The following KIF20A variants were observed in gnomAD, a reference collection of about 807,000 sequenced individuals.
The protein encoded by KIF20A is kinesin family member 20A.
Under a neutral mutation model 113.0 loss-of-function variants are expected in KIF20A, and 66 were observed. The ratio of observed to expected loss-of-function variants is 0.58; its 90% CI spans 0.48 to 0.72. The LOEUF (loss-of-function observed/expected upper bound fraction) is 0.72, where lower values mean the gene tolerates loss of function less well. KIF20A is among the 30% of genes least tolerant of loss of function. The probability of loss-of-function intolerance (pLI) is 0.00; values close to 1 mark genes in which losing one functional copy is unlikely to be tolerated. For synonymous variants in KIF20A, 376 were observed against 402.3 expected (o/e 0.93, Z 0.78); for missense variants, 927 against 1,077.6 (o/e 0.86, Z 1.96).
Position 138,182,319 on chromosome 5 carries a change from C to T in KIF20A, c.376-4C>T. 1 of 1,612,784 alleles carries T rather than the reference C, an allele frequency of 6.2e-7. No individual in the cohort carries two copies. The highest frequency in any genetic ancestry group is 1.1e-5 in the South Asian group (1 of 90,884). ...GGCCTCTAAAAAACTGGGTCTCTCTCTAGATCTTTGGGCCAGAAGTGGGAC... is the reference window on the plus strand; with the variant it reads ...GGCCTCTAAAAAACTGGGTCTCTCTTTAGATCTTTGGGCCAGAAGTGGGAC... On this transcript the variant is annotated splice_region_variant and splice_polypyrimidine_tract_variant and intron_variant, in intron 4 of 18. Coordinates refer to ENST00000394894, the MANE Select transcript of KIF20A (RefSeq NM_005733.3).
chr5:138,183,766 T>A lies in KIF20A; in HGVS notation c.1208+10T>A. 1.2e-6 allele frequency: 2 copies of A among 1,612,082 alleles called. No homozygotes were observed. The highest frequency in any genetic ancestry group is 1.7e-6 in the Non-Finnish European group (2 of 1,178,322). On this transcript the variant is annotated intron_variant, in intron 10 of 18. Coordinates refer to ENST00000394894, the MANE Select transcript of KIF20A (RefSeq NM_005733.3). This position sits in a 1 kb window ranked among gnomAD's most constrained non-coding sequence, Gnocchi z 5.2. Reference sequence around the variant, plus strand: ...TCCCCAAGATCAGCGAGTAAGTTTATCCATTTAGAAATTTGGGCTTCTTGG... The same window carrying A: ...TCCCCAAGATCAGCGAGTAAGTTTAACCATTTAGAAATTTGGGCTTCTTGG...
At chr5:138,179,965 T>A in intron 2 of KIF20A, 120 bp downstream of exon 2, 1 of 1,031,822 alleles carries the variant, frequency 9.7e-7, no homozygotes, top group Non-Finnish European at 1.3e-6. Flanking sequence ...AATTCAAAAT[T>A]AAGGGCATTT....
rs1199186119 is a variant in KIF20A at position 138,187,090 on chromosome 5, C to T, written c.2356-6C>T. The T allele has an allele frequency of 1.2e-6, 2 of 1,603,560 alleles. No homozygotes were observed. Among genetic ancestry groups the T allele is most frequent in the African/African-American group, 1.3e-5 (1 of 74,482 alleles). On this transcript the variant is annotated splice_polypyrimidine_tract_variant and splice_region_variant and intron_variant, in intron 18 of 18. Transcript: ENST00000394894. Reference sequence around the variant, plus strand: ...TGTTTTCTATAACTTTATTGATCTTCCTTAGGACCAGACTCTGGCTGAACT... The same window carrying T: ...TGTTTTCTATAACTTTATTGATCTTTCTTAGGACCAGACTCTGGCTGAACT...
chr5:138,181,727 A>T lies in KIF20A; in HGVS notation c.374A>T (p.Gln125Leu), dbSNP rs760154841. 6.2e-7 allele frequency: 1 copy of T among 1,613,630 alleles called. No individual in the cohort carries two copies. Among genetic ancestry groups the T allele is most frequent in the Non-Finnish European group, 8.5e-7 (1 of 1,180,022 alleles). Residue 125 changes from glutamine (Q) to leucine (L), a missense_variant and splice_region_variant, in exon 4 of 19, where the codon CAG becomes CTG. By Grantham distance (113) the Gln-to-Leu change is moderately radical (BLOSUM62 -2). Coordinates refer to ENST00000394894, the MANE Select transcript of KIF20A (RefSeq NM_005733.3). ...GCCACACACAGGTTCACCTTTTCCC[A>T]GGTATGGAGGGTACTGGTTTGTGAA... ...GQATHRFTFS[Q>L]IFGPEVGQAS...
At position 138,184,944 on chromosome 5, in the gene KIF20A, C is replaced by G. The variant is rs768886658; in HGVS notation, c.1821C>G (p.Cys607Trp). The change falls in exon 14 of 19, where the codon TGC (cysteine) becomes TGG (tryptophan). Residue 607 changes from cysteine to tryptophan, a missense_variant and splice_region_variant. Cys to Trp is a radical substitution (Grantham distance 215). Coordinates refer to ENST00000394894, the MANE Select transcript of KIF20A (RefSeq NM_005733.3). Reference sequence around the variant, plus strand: ...AGATGCAACAGCGGGAACAGTGGTGCAGGTACTAGCTGAGTGACCCCTCTT... The same window carrying G: ...AGATGCAACAGCGGGAACAGTGGTGGAGGTACTAGCTGAGTGACCCCTCTT... ...VEQMQQREQW[C>W]SEHLDTQKEL... 5 of 1,613,786 alleles carry G rather than the reference C, an allele frequency of 3.1e-6. No homozygotes were observed. The African/African-American group carries it at 6.7e-5, about 22-fold the overall frequency.
intron 13 of KIF20A, 31 bp from the exon 14 acceptor site, chr5:138,184,776 T>C (rs749040993): frequency 1.1e-5 from 17 of 1,613,034 alleles, no homozygotes; most frequent in African/African-American, 4.0e-5. Flanking sequence ...CATGAGCATC[T>C]GATGACCTCT....
At position 138,183,592 on chromosome 5, in the gene KIF20A, T is replaced by A; in HGVS notation, c.1139+11T>A. Reference sequence around the variant, plus strand: ...GAACTCCAGCCGCAGGTGAGTAGATTGTAAGAATAAACTCTTCACTGTGTT... The same window carrying A: ...GAACTCCAGCCGCAGGTGAGTAGATAGTAAGAATAAACTCTTCACTGTGTT... On this transcript the variant is annotated intron_variant, in intron 9 of 18. Coordinates refer to ENST00000394894, the MANE Select transcript of KIF20A (RefSeq NM_005733.3). The surrounding 1 kb of genome is among the most constrained non-coding windows in gnomAD (Gnocchi z 5.2). The A allele has an allele frequency of 6.2e-7, 1 of 1,612,998 alleles. No individual in the cohort carries two copies. Among genetic ancestry groups the A allele is most frequent in the Non-Finnish European group, 8.5e-7 (1 of 1,179,078 alleles).
rs1183587660 is a variant in KIF20A, at chr5:138,183,276, T to C, written c.940T>C (p.Tyr314His). ...SFFEIYNELL[Y>H]DLLEPPSQQR... ...CTTTGAGATCTACAACGAACTGCTT[T>C]ATGACCTATTAGAACCGCCTAGCCA... Residue 314 changes from tyrosine (Y) to histidine (H), a missense_variant, in exon 8 of 19, where the codon TAT becomes CAT. Transcript: ENST00000394894. This position sits in a 1 kb window ranked among gnomAD's most constrained non-coding sequence, Gnocchi z 5.2. The C allele has an allele frequency of 1.9e-6, 3 of 1,614,112 alleles. No individual in the cohort carries two copies. In the South Asian group the frequency reaches 3.3e-5, roughly 18 times the overall value.
chr5:138,184,592 C>T lies in KIF20A; in HGVS notation c.1599C>T (p.Pro533=), dbSNP rs749510862. 1 of 1,614,184 alleles carries T rather than the reference C, an allele frequency of 6.2e-7. No individual in the cohort carries two copies. Among genetic ancestry groups the T allele is most frequent in the Non-Finnish European group, 8.5e-7 (1 of 1,180,010 alleles). Residue 533 remains proline (P), a synonymous_variant, in exon 13 of 19, where the codon CCC becomes CCT. Coordinates refer to ENST00000394894, the MANE Select transcript of KIF20A (RefSeq NM_005733.3). ...FIKEHSLQVS[P]SLEKGAKADT... ...AGGAACATAGTCTTCAGGTATCCCC[C>T]AGCTTAGAGAAAGGGGCTAAGGCAG...
Position 138,181,638 on chromosome 5 carries a change from C to G in KIF20A, c.285C>G (p.Thr95=), listed in dbSNP as rs914631296. ...QGCVRIENVE[T]LVLQAPKDSF... is the part of the protein sequence containing the mutation. ...GTGTCCGTATTGAGAATGTGGAGAC[C>G]CTTGTTCTACAAGCACCCAAGGACT... The change falls in exon 4 of 19, where the codon ACC becomes ACG. Residue 95 remains threonine, a synonymous_variant. Transcript: ENST00000394894. The G allele has an allele frequency of 6.2e-7, 1 of 1,614,010 alleles. No individual in the cohort carries two copies. The highest frequency in any genetic ancestry group is 2.2e-5 in the East Asian group (1 of 44,888).
rs779810862 is a variant in KIF20A at position 138,186,398 on chromosome 5, C to T, written c.2322C>T (p.Ala774=). ...CTGGGGCAGGAAAACTTCGTCAAGCCTTGACCACTTGTGATGACATCTTAA... is the reference window on the plus strand; with the variant it reads ...CTGGGGCAGGAAAACTTCGTCAAGCTTTGACCACTTGTGATGACATCTTAA... The part of the protein sequence containing the change: ...HSTGAGKLRQ[A]LTTCDDILIK... The change falls in exon 18 of 19, where the codon GCC becomes GCT. Residue 774 remains alanine (A), a synonymous_variant. Coordinates refer to ENST00000394894, the MANE Select transcript of KIF20A (RefSeq NM_005733.3). The T allele has an allele frequency of 6.2e-6, 10 of 1,611,974 alleles. No homozygotes were observed. The South Asian group carries it at 1.1e-4, about 18-fold the overall frequency.
Position 138,183,725 on chromosome 5 carries a change from G to C in KIF20A, c.1177G>C (p.Gly393Arg). ...IFSIRILHLQ[G>R]EGDIVPKISE... is the part of the protein sequence containing the mutation. ...CTCAATCAGGATCCTACACCTTCAGGGGGAAGGAGATATAGTCCCCAAGAT... is the reference window on the plus strand; with the variant it reads ...CTCAATCAGGATCCTACACCTTCAGCGGGAAGGAGATATAGTCCCCAAGAT... Residue 393 changes from glycine to arginine, a missense_variant, in exon 10 of 19, where the codon GGG (glycine) becomes CGG (arginine). Coordinates refer to ENST00000394894, the MANE Select transcript of KIF20A (RefSeq NM_005733.3). This position sits in a 1 kb window ranked among gnomAD's most constrained non-coding sequence, Gnocchi z 5.2. The C allele has an allele frequency of 6.2e-7, 1 of 1,613,824 alleles. No homozygotes were observed. The highest frequency in any genetic ancestry group is 1.1e-5 in the South Asian group (1 of 91,056).
rs1754688501 is a variant in KIF20A at position 138,183,188 on chromosome 5, A to G, written c.852A>G (p.Ala284=). The change falls in exon 8 of 19, where the codon GCA becomes GCG. Residue 284 remains alanine, a synonymous_variant. Transcript: ENST00000394894. The surrounding 1 kb of genome is among the most constrained non-coding windows in gnomAD (Gnocchi z 5.2). ...SQLDETSHRW[A]QPDTAPLPVP... ...CTCCAGAAACAAGTCATCGATGGGC[A>G]CAGCCAGACACTGCCCCACTACCTG... The G allele has an allele frequency of 1.2e-6, 2 of 1,614,140 alleles. No individual in the cohort carries two copies. Among genetic ancestry groups the G allele is most frequent in the Non-Finnish European group, 1.7e-6 (2 of 1,179,984 alleles).
intron 4 of KIF20A, 118 bp downstream of exon 4, chr5:138,181,846 T>C (rs1754667223): frequency 1.7e-6 from 2 of 1,159,000 alleles, no homozygotes; most frequent in Admixed American, 2.3e-5. Flanking sequence ...ACACCTACAA[T>C]TTTGAGGGCC....
rs1754763015 is a variant in KIF20A, at chr5:138,187,333, G to C, written c.2593G>C (p.Asp865His). 6.2e-7 allele frequency: 1 copy of C among 1,614,050 alleles called. No homozygotes were observed. The highest frequency in any genetic ancestry group is 8.5e-7 in the Non-Finnish European group (1 of 1,180,044). ...AACACCAACCTGCCAAAGCTCAACA[G>C]ACTGCAGCCCTTATGCCCGGATCCT... ...PRTPTCQSSTDCSPYARILRS... is the reference protein window; with the variant it reads ...PRTPTCQSSTHCSPYARILRS... The change falls in exon 19 of 19, where the codon GAC (aspartate) becomes CAC (histidine). Residue 865 changes from aspartate (D) to histidine (H), a missense_variant. Coordinates refer to ENST00000394894, the MANE Select transcript of KIF20A (RefSeq NM_005733.3).
rs17171770 is a variant in KIF20A at position 138,179,126 on chromosome 5, C to T, written c.-98C>T. Reference sequence around the variant, plus strand: ...ACCTCGTGGGCGGAGTTGTGCTCTGCGGCTGCGAAAGTCCAGCTTCGGCGA... The same window carrying T: ...ACCTCGTGGGCGGAGTTGTGCTCTGTGGCTGCGAAAGTCCAGCTTCGGCGA... On this transcript the variant is annotated 5_prime_UTR_variant, in exon 1 of 19. Transcript: ENST00000394894. 0.31 allele frequency: 54,115 copies of T among 176,924 alleles called. 9,367 individuals carry two copies. Among genetic ancestry groups the T allele is most frequent in the South Asian group, 0.43 (3,999 of 9,292 alleles). 11.0% of individuals were successfully genotyped at this position (176,924 alleles called of 1,614,324 possible). A position where few individuals can be genotyped will look rare whatever the true frequency, so the allele number is the denominator to read the frequency against.
At chr5:138,182,256 C>A in intron 4 of KIF20A, 67 bp from the exon 5 acceptor site, 1 of 1,547,788 alleles carries the variant, frequency 6.5e-7, no homozygotes, top group Non-Finnish European at 8.7e-7. Context: ...AATATATCTG[C>A]TGGCTCTGCA....
At chr5:138,181,766 T>G (rs771847446) in intron 4 of KIF20A, 38 bp downstream of exon 4, 2 of 1,609,868 alleles carry the variant, frequency 1.2e-6, no homozygotes, top group Non-Finnish European at 1.7e-6. Context: ...AAGACCAACA[T>G]GTAAGGGCAA....
rs1218389670 is a variant in KIF20A at position 138,182,311 on chromosome 5, GTC to G, written c.376-4_376-3del. 6.2e-7 allele frequency: 1 copy of G among 1,609,864 alleles called. No homozygotes were observed. Among genetic ancestry groups the G allele is most frequent in the Admixed American group, 1.7e-5 (1 of 59,008 alleles). On this transcript the variant is annotated splice_polypyrimidine_tract_variant and intron_variant, in intron 4 of 18. Coordinates refer to ENST00000394894, the MANE Select transcript of KIF20A (RefSeq NM_005733.3). ...GAAGGAGAGGCCTCTAAAAAACTGG[GTC>G]TCTCTCTAGATCTTTGGGCCAGAAG... is the stretch of plus-strand genomic sequence containing the variant.
Sources: allele counts gnomAD v4.1 joint callset, GRCh38; gene constraint gnomAD v4.1.1; non-coding constraint Gnocchi (gnomAD v3.1); transcripts MANE v1.5; gene names NCBI Gene and HGNC (gene_info 2026-07-23, HGNC 2026-07-21).